The following EXOC6 variants were observed in gnomAD, a reference collection of about 807,000 sequenced individuals.
EXOC6 encodes SEC15-like 1.
Under a neutral mutation model 112.5 loss-of-function variants are expected in EXOC6, and 60 were observed. The ratio of observed to expected loss-of-function variants is 0.53; its 90% CI spans 0.43 to 0.66. EXOC6 has a LOEUF of 0.66. EXOC6 is among the 30% of genes least tolerant of loss of function. EXOC6 has a pLI of 0.00. For synonymous variants in EXOC6, 295 were observed against 308.0 expected (o/e 0.96, Z 0.44); for missense variants, 855 against 957.1 (o/e 0.89, Z 1.41).
chr10:92,921,638 T>TTTTC (rs952758796), intron 8 of EXOC6, among the ~76,000 whole-genome samples: 2 of 151,512 alleles, frequency 1.3e-5, no homozygotes, highest in Non-Finnish European at 2.9e-5. Context: ...TGTGCTATTG[T>TTTTC]TTTCTTTCTT....
chr10:92,930,125 G>A (rs985556011), intron 9 of EXOC6, among the ~76,000 whole-genome samples: 3 of 152,170 alleles, frequency 2.0e-5, no homozygotes, highest in Admixed American at 2.0e-4. Context: ...CTCCACCCCG[G>A]ATGGAAGAAT....
At chr10:92,948,480 G>A in intron 14 of EXOC6, 101 bp downstream of exon 14, 2 of 675,840 alleles carry the variant, frequency 3.0e-6, no homozygotes, top group South Asian at 2.6e-5. Context: ...AAATAACAGT[G>A]GTTTCTTGAG....
chr10:92,989,477 G>A (rs1319542578), intron 18 of EXOC6, among the ~76,000 whole-genome samples: 1 of 152,082 alleles, frequency 6.6e-6, no homozygotes, highest in Non-Finnish European at 1.5e-5. Flanking sequence ...CCTCAGTGAA[G>A]GAAAAATACA....
intron 1 of EXOC6, 99 bp downstream of exon 1, chr10:92,848,733 C>T: frequency 5.0e-6 from 5 of 997,112 alleles, no homozygotes; most frequent in South Asian, 8.1e-5. Context: ...GCGCGAAGCT[C>T]CCCGACAGGT....
At chr10:92,955,474 T>G (rs1853642738) in intron 16 of EXOC6, 106 bp from the exon 17 acceptor site, 3 of 898,708 alleles carry the variant, frequency 3.3e-6, no homozygotes, top group African/African-American at 1.7e-5. Flanking sequence ...GCTGCAATTA[T>G]GTAGAAATGG....
intron 5 of EXOC6, chr10:92,901,653 G>T (rs1850177299): frequency 6.8e-6 from 1 of 146,196 alleles, no homozygotes; most frequent in Non-Finnish European, 1.5e-5. Context: ...TCTGGAAGCA[G>T]CCATTCTCCA....
chr10:92,972,251 C>G (rs1232305987), intron 17 of EXOC6, among the ~76,000 whole-genome samples: 1 of 152,184 alleles, frequency 6.6e-6, no homozygotes, highest in Non-Finnish European at 1.5e-5. Flanking sequence ...CTGCTGGGAC[C>G]TTGATCCCAG....
intron 2 of EXOC6, among the ~76,000 whole-genome samples, chr10:92,893,806 T>C (rs1463129492): frequency 6.6e-6 from 1 of 152,228 alleles, no homozygotes; most frequent in Non-Finnish European, 1.5e-5. Context: ...TTGCAGTTTT[T>C]GAATTTCTAA....
At chr10:92,940,879 G>T in intron 13 of EXOC6, 55 bp downstream of exon 13, 2 of 1,140,862 alleles carry the variant, frequency 1.8e-6, no homozygotes, top group Non-Finnish European at 2.6e-6. Flanking sequence ...AAATGCTCAA[G>T]TGGTTCATTT....
At chr10:92,834,038 C>G (rs1846581673), upstream of EXOC6, among the ~76,000 whole-genome samples, 1 of 151,996 alleles carries the variant, frequency 6.6e-6, no homozygotes, top group African/African-American at 2.4e-5. Flanking sequence ...GCATAAGGAA[C>G]TGAAAAGGAG....
chr10:92,848,626 C>A lies in EXOC6; in HGVS notation c.93C>A (p.Pro31=). ...GCACCGACACCGCCTGTGTGGGGCC[C>A]ACCCTCCGGTAAAGATCTCATCCCA... ...IESTDTACVG[P]TLRSVYDDQP... The change falls in exon 1 of 22, where the codon CCC becomes CCA. Residue 31 remains proline, a synonymous_variant. Coordinates refer to ENST00000260762, the MANE Select transcript of EXOC6 (RefSeq NM_019053.6). 4.2e-6 allele frequency: 6 copies of A among 1,430,364 alleles called. No individual in the cohort carries two copies. Among genetic ancestry groups the A allele is most frequent in the Non-Finnish European group, 5.6e-6 (6 of 1,073,836 alleles). The allele number at this position is 1,430,364 out of a possible 1,614,324, so 88.6% of individuals were successfully genotyped here. A position where few individuals can be genotyped will look rare whatever the true frequency, so the allele number is the denominator to read the frequency against.
At chr10:92,930,731 TC>T (rs1391806870) in intron 9 of EXOC6, among the ~76,000 whole-genome samples, 1 of 152,074 alleles carries the variant, frequency 6.6e-6, no homozygotes, top group Non-Finnish European at 1.5e-5. Context: ...TATAGTATTT[TC>T]CTATGTGAGT....
chr10:93,009,892 T>TAA (rs1475324730), intron 19 of EXOC6, among the ~76,000 whole-genome samples: 1 of 152,234 alleles, frequency 6.6e-6, no homozygotes, highest in Non-Finnish European at 1.5e-5. Context: ...TGAAGGATGT[T>TAA]AAACTGTGAG....
chr10:92,850,495 AG>A (rs1847271582), intron 1 of EXOC6, among the ~76,000 whole-genome samples: 1 of 152,310 alleles, frequency 6.6e-6, no homozygotes, highest in African/African-American at 2.4e-5. Flanking sequence ...ACATTGTTTA[AG>A]CTACTACTAT....
intron 21 of EXOC6, 39 bp downstream of exon 21, chr10:93,057,075 C>T (rs2134396269): frequency 9.1e-7 from 1 of 1,097,246 alleles, no homozygotes; most frequent in Non-Finnish European, 1.3e-6. Flanking sequence ...AACATTTTAG[C>T]ACCTTTTGAT....
chr10:93,058,278 C>T lies in EXOC6; in HGVS notation c.2338C>T (p.Arg780Ter), dbSNP rs760629495. 3 of 1,611,006 alleles carry T rather than the reference C, an allele frequency of 1.9e-6. No homozygotes were observed. The highest frequency in any genetic ancestry group is 2.2e-5 in the South Asian group (2 of 90,512). ...ATTTGCTCAGTTCAGGAAGAATGAT[C>T]GAGACAAACAGAAGTTGATAGAGAC... ...NIFAQFRKND[R>*]DKQKLIETVV... The change falls in exon 22 of 22, where the codon CGA becomes TGA. Residue 780 changes from arginine to a stop codon, truncating the protein, a stop_gained. Coordinates refer to ENST00000260762, the MANE Select transcript of EXOC6 (RefSeq NM_019053.6). LOFTEE classifies it high-confidence loss of function.
At chr10:92,933,544 G>A (rs572163715) in intron 9 of EXOC6, among the ~76,000 whole-genome samples, 1 of 152,086 alleles carries the variant, frequency 6.6e-6, no homozygotes. Flanking sequence ...AACCCCAGAT[G>A]TATGAAAATT....
intron 1 of EXOC6, among the ~76,000 whole-genome samples, chr10:92,871,250 A>G (rs1848431921): frequency 6.6e-6 from 1 of 152,120 alleles, no homozygotes; most frequent in Non-Finnish European, 1.5e-5. Context: ...ATTTCAGCCT[A>G]GCACGGTGAC....
intron 9 of EXOC6, among the ~76,000 whole-genome samples, chr10:92,929,501 G>T (rs1049893857): frequency 6.6e-6 from 1 of 152,070 alleles, no homozygotes; most frequent in Admixed American, 6.5e-5. Context: ...AGTGAGAATC[G>T]TAAGAAATAT....
Sources: gnomAD v4.1 joint callset for allele counts (sites outside exome capture counted in the v4.1 genomes callset) on GRCh38, gnomAD v4.1.1 for gene constraint, MANE v1.5 for transcripts, NCBI Gene and HGNC (gene_info 2026-07-23, HGNC 2026-07-21) for gene names.